The following CIMIP2C variants were observed in gnomAD, a reference collection of about 807,000 sequenced individuals.
CIMIP2C encodes the protein ciliary microtubule inner protein 2C.
the CIMIP2C span, among the ~76,000 whole-genome samples, chr2:26,573,119 C>A: frequency 6.6e-6 from 1 of 152,094 alleles, no homozygotes; most frequent in Admixed American, 6.5e-5. Flanking sequence ...CCTGATATGA[C>A]CTTAATTTAG....
At chr2:26,569,915 G>A in the CIMIP2C span, among the ~76,000 whole-genome samples, 1 of 152,144 alleles carries the variant, frequency 6.6e-6, no homozygotes, top group Admixed American at 6.5e-5. Flanking sequence ...AACACAAACA[G>A]GACTGCAGAA....
the CIMIP2C span, chr2:26,578,284 T>C: frequency 6.1e-6 from 1 of 165,092 alleles, no homozygotes; most frequent in Non-Finnish European, 1.3e-5. Flanking sequence ...TGGGGTAGGG[T>C]GGTGGGTGGT....
the CIMIP2C span, chr2:26,575,964 T>C: frequency 6.2e-7 from 1 of 1,613,256 alleles, no homozygotes; most frequent in Non-Finnish European, 8.5e-7. Context: ...ACCACCACCC[T>C]CAAGTACTTC....
chr2:26,577,076 C>A, the CIMIP2C span, among the ~76,000 whole-genome samples: 2 of 152,218 alleles, frequency 1.3e-5, no homozygotes, highest in African/African-American at 2.4e-5. Context: ...CATGTGCGAC[C>A]ATCTCAGGGG....
chr2:26,575,773 C>A, the CIMIP2C span: 2 of 1,179,072 alleles, frequency 1.7e-6, no homozygotes, highest in Non-Finnish European at 2.3e-6. Flanking sequence ...TTCTTCCCTC[C>A]TCAGCTTTCC....
chr2:26,576,073 G>T, the CIMIP2C span: 1 of 1,614,192 alleles, frequency 6.2e-7, no homozygotes, highest in South Asian at 1.1e-5. Context: ...ACCTCCTGCT[G>T]ATGGAGCGCG....
the CIMIP2C span, among the ~76,000 whole-genome samples, chr2:26,564,096 C>A: frequency 1.3e-5 from 2 of 152,216 alleles, no homozygotes; most frequent in African/African-American, 4.8e-5. Flanking sequence ...AAGTGAGGGG[C>A]TGCCCTAGTG....
At chr2:26,566,455 A>C in the CIMIP2C span, among the ~76,000 whole-genome samples, 1 of 152,238 alleles carries the variant, frequency 6.6e-6, no homozygotes, top group East Asian at 1.9e-4. Flanking sequence ...AATGTTTAAC[A>C]ACCAGTTCTC....
At chr2:26,566,026 G>C in the CIMIP2C span, among the ~76,000 whole-genome samples, 1 of 152,232 alleles carries the variant, frequency 6.6e-6, no homozygotes. Context: ...TTGAAGGGAT[G>C]AGATTGGCCT....
At chr2:26,577,477 C>A in the CIMIP2C span, 1 of 1,559,194 alleles carries the variant, frequency 6.4e-7, no homozygotes, top group African/African-American at 1.4e-5. Context: ...CAGTCCTGTG[C>A]ACTAACAACC....
the CIMIP2C span, chr2:26,576,139 C>T: frequency 1.9e-6 from 3 of 1,613,986 alleles, no homozygotes; most frequent in South Asian, 2.2e-5. Context: ...TCAACCTGGA[C>T]AGCCATCGCT....
At chr2:26,577,451 T>C in the CIMIP2C span, 1 of 1,405,176 alleles carries the variant, frequency 7.1e-7, no homozygotes, top group Non-Finnish European at 1.0e-6. Context: ...AGGCATGGAC[T>C]GCAGGTGCCT....
chr2:26,579,131 G>T, the CIMIP2C span: 1 of 712,630 alleles, frequency 1.4e-6, no homozygotes, highest in Non-Finnish European at 2.3e-6. Context: ...GTAAATACAG[G>T]TTATTCCCAC....
the CIMIP2C span, among the ~76,000 whole-genome samples, chr2:26,575,250 G>C: frequency 6.6e-6 from 1 of 152,176 alleles, no homozygotes; most frequent in African/African-American, 2.4e-5. Flanking sequence ...GCTGTGCTGG[G>C]AGCAAGGCTG....
the CIMIP2C span, among the ~76,000 whole-genome samples, chr2:26,576,746 G>C: frequency 6.6e-6 from 1 of 152,198 alleles, no homozygotes; most frequent in Admixed American, 6.5e-5. Context: ...GAGTGAGCTC[G>C]AGGAAGGGGA....
At chr2:26,573,985 T>G in the CIMIP2C span, among the ~76,000 whole-genome samples, 1 of 152,246 alleles carries the variant, frequency 6.6e-6, no homozygotes, top group African/African-American at 2.4e-5. Flanking sequence ...CTTCGCTTCC[T>G]TGCCTTTTTC....
At chr2:26,579,287 C>T in the CIMIP2C span, 2 of 1,613,890 alleles carry the variant, frequency 1.2e-6, no homozygotes, top group South Asian at 2.2e-5. Flanking sequence ...CCCATCCTCA[C>T]CCCTAGGCCT....
chr2:26,574,071 G>C, the CIMIP2C span, among the ~76,000 whole-genome samples: 1 of 152,210 alleles, frequency 6.6e-6, no homozygotes, highest in Non-Finnish European at 1.5e-5. Context: ...TGAGGAGACC[G>C]AGGCCCAAGG....
the CIMIP2C span, among the ~76,000 whole-genome samples, chr2:26,575,519 G>A: frequency 6.6e-6 from 1 of 152,202 alleles, no homozygotes; most frequent in Non-Finnish European, 1.5e-5. Flanking sequence ...GGTCTGGAGA[G>A]AGGAGCATCT....
Sources: allele counts gnomAD v4.1 joint callset (sites outside exome capture counted in the v4.1 genomes callset), GRCh38; gene constraint gnomAD v4.1.1; transcripts MANE v1.5; gene names NCBI Gene and HGNC (gene_info 2026-07-23, HGNC 2026-07-21).